Variants in CCDC138 observed in about 807,000 individuals in gnomAD.
CCDC138 encodes the protein coiled-coil domain containing 138.
In CCDC138, 66 loss-of-function variants were observed where a neutral mutation model predicts 82.3. That is an observed-to-expected ratio of 0.80 (90% CI 0.66 to 0.98). The LOEUF (loss-of-function observed/expected upper bound fraction) is 0.98. CCDC138 is among the 50% of genes least tolerant of loss of function. The pLI, the probability that CCDC138 is intolerant of heterozygous loss-of-function variation, is 0.00. For missense variants in CCDC138, 816 were observed against 758.9 expected, an observed-to-expected ratio of 1.08 and a Z score of -0.88; for synonymous variants, 297 against 265.4, an observed-to-expected ratio of 1.12 and a Z score of -1.16.
At chr2:108,800,291 G>C (rs900275489) in intron 6 of CCDC138, among the ~76,000 whole-genome samples, 14 of 152,088 alleles carry the variant, frequency 9.2e-5, no homozygotes, top group Admixed American at 9.2e-4. Context: ...TTTTGAGATA[G>C]TCTCGCTCTG....
chr2:108,848,728 A>G (rs1690916127), intron 12 of CCDC138, among the ~76,000 whole-genome samples: 1 of 152,232 alleles, frequency 6.6e-6, no homozygotes, highest in Non-Finnish European at 1.5e-5. Flanking sequence ...GGCTTAGCCA[A>G]CTTTAAAACA....
Position 108,786,919 on chromosome 2 carries a change from A to G in CCDC138, c.93+4A>G. On this transcript the variant is annotated splice_donor_region_variant and intron_variant, in intron 1 of 14. Coordinates refer to ENST00000295124, the MANE Select transcript of CCDC138 (RefSeq NM_144978.3). ...CGGGGGCAGCTGCCCCGACGAGGTG[A>G]AGCCGCCGCCTGAGGTCCGCGGGTG... 6.6e-7 allele frequency: 1 copy of G among 1,521,336 alleles called. No homozygotes were observed. The highest frequency in any genetic ancestry group is 8.8e-7 in the Non-Finnish European group (1 of 1,135,748). The allele number at this position is 1,521,336 out of a possible 1,614,324, so 94.2% of individuals were successfully genotyped here.
chr2:108,798,363 A>G (rs1240008463), intron 5 of CCDC138, 65 bp from the exon 6 acceptor site: 10 of 1,552,222 alleles, frequency 6.4e-6, no homozygotes, highest in South Asian at 3.7e-5. Flanking sequence ...GTGTCAGCCA[A>G]TAGGAATATA....
chr2:108,847,858 A>G (rs1312756099), intron 12 of CCDC138, among the ~76,000 whole-genome samples: 1 of 152,224 alleles, frequency 6.6e-6, no homozygotes, highest in Non-Finnish European at 1.5e-5. Flanking sequence ...TGCCTTCTTA[A>G]TTATTTTGCC....
intron 6 of CCDC138, among the ~76,000 whole-genome samples, chr2:108,803,359 C>T (rs1008364061): frequency 6.6e-6 from 1 of 152,060 alleles, no homozygotes; most frequent in Non-Finnish European, 1.5e-5. Flanking sequence ...GCCCCTCTTC[C>T]TGATTATCTT....
chr2:108,845,801 G>T (rs1690355207), intron 11 of CCDC138, among the ~76,000 whole-genome samples: 1 of 152,062 alleles, frequency 6.6e-6, no homozygotes, highest in African/African-American at 2.4e-5. Context: ...TCGATCTCCT[G>T]ACCTCATGAT....
At chr2:108,839,951 TAGG>T (rs1689187895) in intron 11 of CCDC138, among the ~76,000 whole-genome samples, 1 of 152,056 alleles carries the variant, frequency 6.6e-6, no homozygotes, top group Non-Finnish European at 1.5e-5. Flanking sequence ...TTTCTCCTCT[TAGG>T]AGGAAAATTC....
At chr2:108,826,687 A>G (rs12712023) in intron 10 of CCDC138, among the ~76,000 whole-genome samples, 121,867 of 152,116 alleles carry the variant, frequency 0.8, 49,093 homozygotes, top group East Asian at 0.95. Flanking sequence ...CAAAGTGTGA[A>G]TCTTCCAACT....
At chr2:108,883,171 A>G (rs942603104) in intron 2 of CCDC138, 2 of 152,182 alleles carry the variant, frequency 1.3e-5, no homozygotes, top group Non-Finnish European at 2.9e-5. Context: ...ACTTCTTGAA[A>G]TTTGCCCAAG....
At chr2:108,852,840 C>T (rs968891251) in intron 12 of CCDC138, among the ~76,000 whole-genome samples, 1 of 152,052 alleles carries the variant, frequency 6.6e-6, no homozygotes, top group Non-Finnish European at 1.5e-5. Flanking sequence ...CAACAAACTC[C>T]TATGACACAA....
At chr2:108,791,439 T>A (rs1194514954) in intron 3 of CCDC138, 2 of 497,932 alleles carry the variant, frequency 4.0e-6, no homozygotes, top group Non-Finnish European at 7.5e-6. Flanking sequence ...GGTAGGTATA[T>A]GTCATTTTAA....
At chr2:108,849,442 C>T (rs1012577561) in intron 12 of CCDC138, among the ~76,000 whole-genome samples, 1 of 152,076 alleles carries the variant, frequency 6.6e-6, no homozygotes, top group African/African-American at 2.4e-5. Context: ...TCCTCCACAC[C>T]CTGGCCACTG....
At chr2:108,871,369 T>C (rs10171523) in intron 13 of CCDC138, among the ~76,000 whole-genome samples, 123,487 of 134,452 alleles carry the variant, frequency 0.92, 56,795 homozygotes, top group East Asian at 1. Context: ...CCCAACTCTA[T>C]TAAAAAAAAA....
chr2:108,837,941 A>G (rs1688841775), intron 10 of CCDC138, among the ~76,000 whole-genome samples: 1 of 151,846 alleles, frequency 6.6e-6, no homozygotes, highest in South Asian at 2.1e-4. Flanking sequence ...TTTTTTTTAA[A>G]GACACCAGAG....
chr2:108,810,143 T>C (rs1282664282), intron 7 of CCDC138, among the ~76,000 whole-genome samples: 2 of 152,176 alleles, frequency 1.3e-5, no homozygotes, highest in African/African-American at 4.8e-5. Context: ...TTTCTTTTTC[T>C]TGCTTAATTA....
intron 10 of CCDC138, among the ~76,000 whole-genome samples, chr2:108,833,308 G>A (rs1315040584): frequency 6.6e-6 from 1 of 152,238 alleles, no homozygotes; most frequent in Non-Finnish European, 1.5e-5. Context: ...TGGTAAAGAT[G>A]TTAATAATGG....
At chr2:108,813,103 G>A (rs1389510237) in intron 9 of CCDC138, among the ~76,000 whole-genome samples, 176 bp downstream of exon 9, 1 of 151,638 alleles carries the variant, frequency 6.6e-6, no homozygotes, top group Non-Finnish European at 1.5e-5. Context: ...CAGAAAATTA[G>A]CCAGGCATGG....
At chr2:108,833,670 A>G (rs968536169) in intron 10 of CCDC138, among the ~76,000 whole-genome samples, 1 of 152,134 alleles carries the variant, frequency 6.6e-6, no homozygotes, top group Non-Finnish European at 1.5e-5. Flanking sequence ...ATAAGAAACG[A>G]AACAAATTTT....
At chr2:108,851,595 G>A (rs1053754558) in intron 12 of CCDC138, among the ~76,000 whole-genome samples, 1 of 152,068 alleles carries the variant, frequency 6.6e-6, no homozygotes, top group Non-Finnish European at 1.5e-5. Flanking sequence ...GAGCCACCGC[G>A]CCCGGCCTTT....
Sources: allele counts gnomAD v4.1 joint callset (sites outside exome capture counted in the v4.1 genomes callset), GRCh38; gene constraint gnomAD v4.1.1; transcripts MANE v1.5; gene names NCBI Gene and HGNC (gene_info 2026-07-23, HGNC 2026-07-21).